PGR: variants seen among roughly 807,000 people sequenced by gnomAD.
PGR encodes the protein nuclear receptor subfamily 3 group C member 3.
A neutral mutation model predicts 76.1 loss-of-function variants in PGR; 25 were observed. That is an observed-to-expected ratio of 0.33 (90% CI 0.24 to 0.46). The LOEUF is 0.46. Among genes scored for constraint, PGR ranks in the 20% least tolerant of loss-of-function variants. PGR has a pLI of 1.00. For missense variants in PGR, 1,172 were observed against 1,225.3 expected, an observed-to-expected ratio of 0.96 and a Z score of 0.65; for synonymous variants, 579 against 535.0, an observed-to-expected ratio of 1.08 and a Z score of -1.14.
intron 6 of PGR, among the ~76,000 whole-genome samples, chr11:101,048,083 C>T (rs1859954001): frequency 1.3e-5 from 2 of 152,058 alleles, no homozygotes; most frequent in Admixed American, 1.3e-4. Flanking sequence ...TAGTCATGTC[C>T]AATAGAGGTT....
rs959087704 is a variant in PGR at position 101,127,573 on chromosome 11, CGGAGGT to C, written c.1492_1497del (p.Thr498_Ser499del). 2 of 1,368,260 alleles carry C rather than the reference CGGAGGT, an allele frequency of 1.5e-6. No individual in the cohort carries two copies. The highest frequency in any genetic ancestry group is 1.9e-6 in the Non-Finnish European group (2 of 1,061,692). The allele number at this position is 1,368,260 out of a possible 1,614,324, so 84.8% of individuals were successfully genotyped here. A position where few individuals can be genotyped will look rare whatever the true frequency, so the allele number is the denominator to read the frequency against. ...GCCGCCCCGGCGGCGGCGGCAGAGG[CGGAGGT>C]GGAGGGCAGGCCGTCCCGCGGGAGC... On this transcript the variant is annotated inframe_deletion, in exon 1 of 8. Coordinates refer to ENST00000325455, the MANE Select transcript of PGR (RefSeq NM_000926.4).
chr11:101,093,899 G>C (rs1861756215), intron 2 of PGR, among the ~76,000 whole-genome samples: 3 of 152,224 alleles, frequency 2.0e-5, no homozygotes, highest in African/African-American at 7.2e-5. Context: ...AAGCTGGCAT[G>C]CTGCTGATCT....
At chr11:101,053,675 TCTCC>T (rs1224103136) in intron 4 of PGR, among the ~76,000 whole-genome samples, 1 of 144,930 alleles carries the variant, frequency 6.9e-6, no homozygotes, top group Non-Finnish European at 1.5e-5. Flanking sequence ...TTCTTCCCCT[TCTCC>T]CTCCTTTCTT....
intron 4 of PGR, among the ~76,000 whole-genome samples, chr11:101,055,371 G>T (rs1364716600): frequency 8.1e-6 from 1 of 122,750 alleles, no homozygotes; most frequent in Non-Finnish European, 1.6e-5. Flanking sequence ...AGCCAAGAAC[G>T]TGCCACTGCA....
intron 3 of PGR, among the ~76,000 whole-genome samples, chr11:101,080,142 CAGGGA>C (rs1434576268): frequency 1.3e-5 from 2 of 152,178 alleles, no homozygotes; most frequent in Non-Finnish European, 2.9e-5. Flanking sequence ...TGGGGCTGAG[CAGGGA>C]GTTCCAACTA....
intron 6 of PGR, 86 bp from the exon 7 acceptor site, chr11:101,042,188 G>T (rs1859715087): frequency 3.0e-6 from 4 of 1,333,940 alleles, no homozygotes; most frequent in African/African-American, 1.5e-5. Context: ...GCTATATAAT[G>T]ATTTCTTCTG....
intron 2 of PGR, among the ~76,000 whole-genome samples, chr11:101,116,491 A>G (rs966973615): frequency 6.6e-6 from 1 of 152,096 alleles, no homozygotes. Context: ...TGTAATCCCA[A>G]CACTTTGGGA....
chr11:101,064,331 C>CAAAAAAAAAAAAAAAAAAAA (rs10556132), intron 3 of PGR, among the ~76,000 whole-genome samples: 2 of 39,450 alleles, frequency 5.1e-5, no homozygotes, highest in African/African-American at 1.4e-4. Context: ...AACTCCACCT[C>CAAAAAAAAAAAAAAAAAAAA]AAAAAAAAAA....
intron 2 of PGR, among the ~76,000 whole-genome samples, chr11:101,115,522 AG>A (rs1862473819): frequency 2.0e-5 from 3 of 152,170 alleles, no homozygotes. Flanking sequence ...CTGTAATCCC[AG>A]CACTTTGGGA....
At chr11:101,082,125 ACT>A (rs3067562) in intron 3 of PGR, among the ~76,000 whole-genome samples, 139 of 144,410 alleles carry the variant, frequency 9.6e-4, no homozygotes, top group African/African-American at 1.5e-3. Flanking sequence ...TTCCCCTCTC[ACT>A]CTCTCTCTCT....
intron 2 of PGR, among the ~76,000 whole-genome samples, chr11:101,094,294 T>C (rs1861768037): frequency 6.6e-6 from 1 of 152,238 alleles, no homozygotes; most frequent in African/African-American, 2.4e-5. Context: ...ACTATTCTTA[T>C]AAAATGGCTT....
intron 3 of PGR, among the ~76,000 whole-genome samples, chr11:101,090,128 G>C (rs533060479): frequency 6.6e-6 from 1 of 152,096 alleles, no homozygotes; most frequent in African/African-American, 2.4e-5. Context: ...AACCTGGGAG[G>C]CAGAGGTTGC....
intron 6 of PGR, among the ~76,000 whole-genome samples, chr11:101,046,878 T>C (rs1859905438): frequency 6.6e-6 from 1 of 152,154 alleles, no homozygotes; most frequent in Non-Finnish European, 1.5e-5. Context: ...TCTTCTCCCA[T>C]GCTGTATTAA....
chr11:101,062,763 G>GAA lies in PGR; in HGVS notation c.1907-13_1907-12dup. The GAA allele has an allele frequency of 6.3e-7, 1 of 1,580,220 alleles. No homozygotes were observed. Among genetic ancestry groups the GAA allele is most frequent in the Non-Finnish European group, 8.6e-7 (1 of 1,159,106 alleles). ...TTTTAAATTTTCGACCTACAGAGAA[G>GAA]AAAAAAAAGAAATTCATGTAAATAT... On this transcript the variant is annotated splice_polypyrimidine_tract_variant and intron_variant, in intron 3 of 7. Transcript: ENST00000325455.
chr11:101,097,717 T>A (rs1448472468), intron 2 of PGR, among the ~76,000 whole-genome samples: 2 of 152,170 alleles, frequency 1.3e-5, no homozygotes, highest in East Asian at 1.9e-4. Flanking sequence ...TTTCTCACCT[T>A]TTTATAGTAA....
chr11:101,060,876 T>G (rs550849349), intron 4 of PGR, among the ~76,000 whole-genome samples: 1 of 152,144 alleles, frequency 6.6e-6, no homozygotes, highest in East Asian at 1.9e-4. Flanking sequence ...TGTGGTTGTG[T>G]GGGGGTCAAA....
intron 4 of PGR, among the ~76,000 whole-genome samples, chr11:101,055,841 T>G (rs1383223103): frequency 2.0e-5 from 3 of 152,196 alleles, no homozygotes; most frequent in Non-Finnish European, 4.4e-5. Flanking sequence ...TTACTTTTAT[T>G]TTATGACAAC....
At position 101,063,427 on chromosome 11, in the gene PGR, G is replaced by A. The variant is rs11571212; in HGVS notation, c.1907-675C>T. On this transcript the variant is annotated intron_variant, in intron 3 of 7. Transcript: ENST00000325455. ...ACATTTGTATTTCTGGATGATTTCT[G>A]GAGTTTCTACTTTGATGAATTCTGA... 287 of 152,308 alleles carry A rather than the reference G, an allele frequency of 1.9e-3. 3 individuals are homozygous for A. The highest frequency in any genetic ancestry group is 6.7e-3 in the African/African-American group (279 of 41,562). The allele number at this position is 152,308 out of a possible 1,614,324, so 9.4% of individuals were successfully genotyped here.
intron 2 of PGR, among the ~76,000 whole-genome samples, chr11:101,124,253 C>A (rs982140521): frequency 6.6e-6 from 1 of 152,114 alleles, no homozygotes; most frequent in South Asian, 2.1e-4. Context: ...GGAAAGACTT[C>A]GTCTACAGTT....
Sources: gnomAD v4.1 joint callset for allele counts (sites outside exome capture counted in the v4.1 genomes callset) on GRCh38, gnomAD v4.1.1 for gene constraint, MANE v1.5 for transcripts, NCBI Gene and HGNC (gene_info 2026-07-23, HGNC 2026-07-21) for gene names.